Variants in LRRC37A2 observed in about 807,000 individuals in gnomAD.
The protein encoded by LRRC37A2 is leucine rich repeat containing 37 member A2.
Under a neutral mutation model 68.8 loss-of-function variants are expected in LRRC37A2, and 9 were observed. That is an observed-to-expected ratio of 0.13 (90% CI 0.08 to 0.23). The LOEUF is 0.23. Among genes scored for constraint, LRRC37A2 ranks in the 10% least tolerant of loss-of-function variants. The pLI is 1.00. For synonymous variants in LRRC37A2, 63 were observed against 367.6 expected (o/e 0.17, Z 9.48); for missense variants, 168 against 950.4 (o/e 0.18, Z 10.82).
chr17:46,866,844 C>A, the LRRC37A2 span, among the ~76,000 whole-genome samples: 1 of 152,284 alleles, frequency 6.6e-6, no homozygotes, highest in East Asian at 1.9e-4. Context: ...CCCTCTCAAG[C>A]AGAAACTAGG....
the LRRC37A2 span, among the ~76,000 whole-genome samples, chr17:47,003,879 C>T: frequency 6.6e-6 from 1 of 152,170 alleles, no homozygotes; most frequent in East Asian, 1.9e-4. Context: ...CCTTCCTCCA[C>T]CCCACAACAG....
At chr17:46,769,539 G>A in the LRRC37A2 span, among the ~76,000 whole-genome samples, 3 of 152,246 alleles carry the variant, frequency 2.0e-5, no homozygotes, top group East Asian at 3.9e-4. Flanking sequence ...CTGATCCCAC[G>A]GGGTGGCCAT....
At chr17:46,786,821 C>T in the LRRC37A2 span, among the ~76,000 whole-genome samples, 1 of 152,184 alleles carries the variant, frequency 6.6e-6, no homozygotes, top group Admixed American at 6.5e-5. Context: ...GTCTTGGCAA[C>T]TCAGGGGATG....
At chr17:47,043,126 G>A in the LRRC37A2 span, among the ~76,000 whole-genome samples, 1 of 149,326 alleles carries the variant, frequency 6.7e-6, no homozygotes, top group Non-Finnish European at 1.5e-5. Flanking sequence ...ATGATTCTTG[G>A]GTCAACCTAA....
At chr17:46,833,933 TA>T in the LRRC37A2 span, among the ~76,000 whole-genome samples, 1 of 152,172 alleles carries the variant, frequency 6.6e-6, no homozygotes, top group South Asian at 2.1e-4. Flanking sequence ...GAATGGCTCA[TA>T]CCTGTAATCC....
chr17:46,926,930 T>A, the LRRC37A2 span, among the ~76,000 whole-genome samples: 1 of 152,252 alleles, frequency 6.6e-6, no homozygotes, highest in Non-Finnish European at 1.5e-5. Context: ...TTCCTCAAAC[T>A]GCTGGGTCAT....
the LRRC37A2 span, among the ~76,000 whole-genome samples, chr17:46,707,983 A>G: frequency 2.0e-5 from 3 of 150,508 alleles, no homozygotes; most frequent in Non-Finnish European, 4.4e-5. Context: ...CAGTGAGCCG[A>G]GATTGTGCCA....
the LRRC37A2 span, among the ~76,000 whole-genome samples, chr17:46,832,384 A>G: frequency 7.7e-6 from 1 of 129,746 alleles, no homozygotes; most frequent in Non-Finnish European, 1.6e-5. Context: ...AACACAAGAC[A>G]CAGGGGGGAA....
the LRRC37A2 span, among the ~76,000 whole-genome samples, chr17:46,852,834 G>C: frequency 6.6e-6 from 1 of 152,146 alleles, no homozygotes; most frequent in Non-Finnish European, 1.5e-5. Context: ...CCAGGGAGAG[G>C]TATGTAAAGG....
the LRRC37A2 span, among the ~76,000 whole-genome samples, chr17:46,958,265 C>A: frequency 2.6e-5 from 4 of 152,174 alleles, no homozygotes; most frequent in Admixed American, 2.0e-4. Flanking sequence ...TACAGGCATA[C>A]AAATCACACA....
the LRRC37A2 span, among the ~76,000 whole-genome samples, chr17:46,717,404 A>G: frequency 6.6e-6 from 1 of 152,084 alleles, no homozygotes; most frequent in African/African-American, 2.4e-5. Context: ...GGACAGCACA[A>G]TAAATTAACT....
the LRRC37A2 span, chr17:46,710,877 A>G: frequency 8.5e-7 from 1 of 1,179,598 alleles, no homozygotes; most frequent in Non-Finnish European, 1.2e-6. Flanking sequence ...CAATACCTTT[A>G]GCATGTACGG....
the LRRC37A2 span, among the ~76,000 whole-genome samples, chr17:47,023,483 C>A: frequency 3.9e-5 from 6 of 152,088 alleles, no homozygotes; most frequent in Non-Finnish European, 5.9e-5. Context: ...GAGTTTGAGA[C>A]CAGCCTGGCC....
At chr17:46,771,456 G>C in the LRRC37A2 span, among the ~76,000 whole-genome samples, 1 of 149,964 alleles carries the variant, frequency 6.7e-6, no homozygotes, top group Admixed American at 6.6e-5. Context: ...GCGGCGCCCG[G>C]GCCCCGGGCC....
the LRRC37A2 span, among the ~76,000 whole-genome samples, chr17:46,976,147 C>G: frequency 2.0e-5 from 3 of 151,650 alleles, no homozygotes; most frequent in Non-Finnish European, 4.4e-5. Context: ...AGGATGGTCT[C>G]GATCTCCTGA....
At chr17:46,396,437 AAGAT>A in the LRRC37A2 span, among the ~76,000 whole-genome samples, 1 of 31,816 alleles carries the variant, frequency 3.1e-5, no homozygotes, top group East Asian at 3.4e-4. Flanking sequence ...AAATAAGTTA[AAGAT>A]AGATCTTGCA....
At chr17:46,736,742 A>G in the LRRC37A2 span, among the ~76,000 whole-genome samples, 1 of 152,244 alleles carries the variant, frequency 6.6e-6, no homozygotes, top group Admixed American at 6.5e-5. Context: ...CTACCTTTGT[A>G]TCTAAGCTTG....
chr17:46,751,459 G>A, the LRRC37A2 span: 3 of 1,375,844 alleles, frequency 2.2e-6, no homozygotes, highest in East Asian at 2.3e-5. Context: ...ATGTTGATGT[G>A]TTCACTGTAA....
chr17:46,851,588 C>T, the LRRC37A2 span: 2 of 1,082,506 alleles, frequency 1.8e-6, no homozygotes, highest in Non-Finnish European at 2.3e-6. The surrounding 1 kb of genome is among the most constrained non-coding windows in gnomAD (Gnocchi z 4.3). Context: ...GGCGGAGCTG[C>T]GAGCTTGAGC....
Sources: allele counts gnomAD v4.1 joint callset (sites outside exome capture counted in the v4.1 genomes callset), GRCh38; gene constraint gnomAD v4.1.1; non-coding constraint Gnocchi (gnomAD v3.1); transcripts MANE v1.5; gene names NCBI Gene and HGNC (gene_info 2026-07-23, HGNC 2026-07-21).